The following MEOX2 variants were observed in gnomAD, a reference collection of about 807,000 sequenced individuals.
The protein encoded by MEOX2 is mesenchyme homeobox 2, also known as homeobox protein MOX-2.
In MEOX2, 11 loss-of-function variants were observed where a neutral mutation model predicts 27.0. The observed-to-expected ratio is 0.41, with a 90% CI of 0.26 to 0.68. MEOX2 has a LOEUF of 0.68. Ranked by LOEUF, MEOX2 falls within the 30% of genes least tolerant of loss-of-function variation. MEOX2 has a pLI of 0.33. For missense variants in MEOX2, 436 were observed against 385.4 expected, an observed-to-expected ratio of 1.13 and a Z score of -1.10; for synonymous variants, 189 against 155.4, an observed-to-expected ratio of 1.22 and a Z score of -1.61.
chr7:15,619,883 T>C (rs1001502558), intron 2 of MEOX2, among the ~76,000 whole-genome samples: 2 of 152,076 alleles, frequency 1.3e-5, no homozygotes, highest in Admixed American at 6.6e-5. Flanking sequence ...TTTATACAGG[T>C]AATATTTCTG....
At chr7:15,648,304 AACCCT>A (rs2115375218) in intron 1 of MEOX2, among the ~76,000 whole-genome samples, 1 of 152,274 alleles carries the variant, frequency 6.6e-6, no homozygotes, top group South Asian at 2.1e-4. Flanking sequence ...AAGCAATTTT[AACCCT>A]ACAATCGTAA....
rs2115350763 is a variant in MEOX2 at position 15,612,392 on chromosome 7, A to C, written c.910T>G (p.Leu304Val). The C allele has an allele frequency of 1.9e-6, 3 of 1,613,398 alleles. No individual in the cohort carries two copies. Among genetic ancestry groups the C allele is most frequent in the East Asian group, 2.2e-5 (1 of 44,876 alleles). ...DSDHSSEHAH[L>V] ...GAGCTGGTCCTCTGTTTATATCATAAGTGCGCATGCTCTGAGCTGTGGTCA... is the reference window on the plus strand; with the variant it reads ...GAGCTGGTCCTCTGTTTATATCATACGTGCGCATGCTCTGAGCTGTGGTCA... Residue 304 changes from leucine (L) to valine (V), a missense_variant, in exon 3 of 3, where the codon TTA becomes GTA. Coordinates refer to ENST00000262041, the MANE Select transcript of MEOX2 (RefSeq NM_005924.5).
chr7:15,672,501 G>A (rs1332441697), intron 1 of MEOX2, among the ~76,000 whole-genome samples: 3 of 152,138 alleles, frequency 2.0e-5, no homozygotes, highest in Non-Finnish European at 1.5e-5. Flanking sequence ...GCTGGTTTAT[G>A]CTAAACTTTT....
intron 1 of MEOX2, chr7:15,681,067 T>A (rs967652596): frequency 6.6e-6 from 1 of 151,654 alleles, no homozygotes; most frequent in African/African-American, 2.4e-5. Context: ...AGATAAATAA[T>A]CCACAACTAT....
At chr7:15,684,222 G>C (rs1449297365) in intron 1 of MEOX2, among the ~76,000 whole-genome samples, 2 of 152,086 alleles carry the variant, frequency 1.3e-5, no homozygotes, top group African/African-American at 4.8e-5. Flanking sequence ...AGAGCTTATG[G>C]GAATTGCAAG....
At chr7:15,670,097 C>A (rs1782071467) in intron 1 of MEOX2, among the ~76,000 whole-genome samples, 1 of 152,118 alleles carries the variant, frequency 6.6e-6, no homozygotes. Context: ...ACATTAACTT[C>A]CATTGTTATG....
chr7:15,618,314 T>C (rs1273553706), intron 2 of MEOX2, among the ~76,000 whole-genome samples: 1 of 152,070 alleles, frequency 6.6e-6, no homozygotes, highest in Non-Finnish European at 1.5e-5. Context: ...AAAGACTATA[T>C]CAAATTTAAT....
In MEOX2 at chr7:15,652,141, C is replaced by T. The variant is rs570121449; in HGVS notation, c.518-25223G>A. Among the ~76,000 whole-genome samples the T allele has an allele frequency of 2.0e-5, 3 of 152,126 alleles. No homozygotes were observed. The East Asian group carries it at 5.8e-4, about 29-fold the overall frequency. On this transcript the variant is annotated intron_variant, in intron 1 of 2. Transcript: ENST00000262041. Reference sequence around the variant, plus strand: ...CCTATAGGCTTCTCAGCAATTAATTCATTTTCGTTTGACTTTTCTGAAAAT... The same window carrying T: ...CCTATAGGCTTCTCAGCAATTAATTTATTTTCGTTTGACTTTTCTGAAAAT...
chr7:15,671,383 T>C (rs1354259891), intron 1 of MEOX2, among the ~76,000 whole-genome samples: 2 of 152,202 alleles, frequency 1.3e-5, no homozygotes, highest in East Asian at 3.8e-4. Context: ...ATTTAACAGA[T>C]TTTTTTAAAC....
At chr7:15,649,549 A>G (rs1442870364) in intron 1 of MEOX2, among the ~76,000 whole-genome samples, 3 of 152,082 alleles carry the variant, frequency 2.0e-5, no homozygotes, top group African/African-American at 7.2e-5. Context: ...AGAGCTTTCC[A>G]GATGACAAGA....
At chr7:15,682,755 T>C (rs370440914) in intron 1 of MEOX2, among the ~76,000 whole-genome samples, 7 of 152,036 alleles carry the variant, frequency 4.6e-5, no homozygotes, top group African/African-American at 1.7e-4. Flanking sequence ...ATTCACACTA[T>C]TTATAGACAT....
chr7:15,651,374 C>T (rs975881359), intron 1 of MEOX2, among the ~76,000 whole-genome samples: 1 of 151,740 alleles, frequency 6.6e-6, no homozygotes, highest in Admixed American at 6.6e-5. Context: ...TCTTAATGGT[C>T]TAAAAATTGT....
intron 1 of MEOX2, among the ~76,000 whole-genome samples, chr7:15,646,288 A>T (rs1008353490): frequency 6.6e-6 from 1 of 152,064 alleles, no homozygotes; most frequent in Non-Finnish European, 1.5e-5. Context: ...TCTTCTTTGG[A>T]AACTTCCTAT....
At chr7:15,618,177 G>A (rs1260366496) in intron 2 of MEOX2, among the ~76,000 whole-genome samples, 1 of 151,872 alleles carries the variant, frequency 6.6e-6, no homozygotes, top group East Asian at 1.9e-4. Context: ...CAACTCGAAT[G>A]GCTTCTTTCA....
At chr7:15,661,401 A>G (rs1781914832) in intron 1 of MEOX2, among the ~76,000 whole-genome samples, 1 of 152,204 alleles carries the variant, frequency 6.6e-6, no homozygotes, top group South Asian at 2.1e-4. Context: ...ATATATTAGC[A>G]TATTCATGAA....
At chr7:15,622,791 C>G (rs1394264682) in intron 2 of MEOX2, among the ~76,000 whole-genome samples, 1 of 152,068 alleles carries the variant, frequency 6.6e-6, no homozygotes, top group Non-Finnish European at 1.5e-5. Flanking sequence ...TGTTAAAATC[C>G]TAACCCTCAA....
chr7:15,673,561 T>C (rs1782140919), intron 1 of MEOX2, among the ~76,000 whole-genome samples: 1 of 149,904 alleles, frequency 6.7e-6, no homozygotes, highest in Non-Finnish European at 1.5e-5. Flanking sequence ...TAAAGATTTT[T>C]TTTTTTAGAT....
intron 1 of MEOX2, among the ~76,000 whole-genome samples, chr7:15,658,250 A>G (rs1233171556): frequency 6.6e-6 from 1 of 151,890 alleles, no homozygotes; most frequent in African/African-American, 2.4e-5. Flanking sequence ...CCTGCAGGGG[A>G]GGTGGGAGGA....
chr7:15,675,633 G>T (rs1276717430), intron 1 of MEOX2, among the ~76,000 whole-genome samples: 1 of 152,180 alleles, frequency 6.6e-6, no homozygotes, highest in Non-Finnish European at 1.5e-5. Flanking sequence ...TACATTCATT[G>T]AACTGGGTAG....
Sources: gnomAD v4.1 joint callset for allele counts (sites outside exome capture counted in the v4.1 genomes callset) on GRCh38, gnomAD v4.1.1 for gene constraint, MANE v1.5 for transcripts, NCBI Gene and HGNC (gene_info 2026-07-23, HGNC 2026-07-21) for gene names.